C1orf105: variants seen among roughly 807,000 people sequenced by gnomAD.
C1orf105 encodes the protein uncharacterized protein C1orf105.
In C1orf105, 17 loss-of-function variants were observed where a neutral mutation model predicts 20.8. That is an observed-to-expected ratio of 0.82 (90% confidence interval 0.56 to 1.23). C1orf105 has a LOEUF of 1.23. C1orf105 is among the 50% of genes most tolerant of loss of function. The pLI is 0.00. For synonymous variants in C1orf105, 72 were observed against 72.1 expected, an observed-to-expected ratio of 1.00 and a Z score of 0.01; for missense variants, 219 against 213.5, an observed-to-expected ratio of 1.03 and a Z score of -0.16.
At chr1:172,445,226 G>A in intron 2 of C1orf105, 68 bp downstream of exon 2, 7 of 1,269,174 alleles carry the variant, frequency 5.5e-6, no homozygotes, top group Non-Finnish European at 6.8e-6. Context: ...TCTTCTTAAG[G>A]GATGGGGACA....
intron 1 of C1orf105, chr1:172,431,291 G>A: frequency 2.3e-6 from 1 of 430,588 alleles, no homozygotes; most frequent in East Asian, 3.5e-5. Flanking sequence ...ATTAAAAGTG[G>A]TACTCCCATG....
At chr1:172,437,966 T>C (rs977855886) in intron 1 of C1orf105, among the ~76,000 whole-genome samples, 8 of 152,120 alleles carry the variant, frequency 5.3e-5, no homozygotes, top group Admixed American at 5.2e-4. Context: ...TTGACATCGA[T>C]GCTCATTTAC....
intron 2 of C1orf105, among the ~76,000 whole-genome samples, chr1:172,446,524 C>T (rs988414613): frequency 6.6e-6 from 1 of 152,232 alleles, no homozygotes; most frequent in African/African-American, 2.4e-5. Context: ...TCTAACAGTA[C>T]TAGAAATCTG....
intron 1 of C1orf105, among the ~76,000 whole-genome samples, chr1:172,444,746 G>T (rs1558134427): frequency 6.6e-6 from 1 of 152,114 alleles, no homozygotes; most frequent in East Asian, 1.9e-4. Context: ...AATATTAAAG[G>T]ATATATAAAC....
intron 1 of C1orf105, chr1:172,444,288 A>G (rs1647714762): frequency 1.0e-6 from 1 of 985,342 alleles, no homozygotes; most frequent in Non-Finnish European, 1.2e-6. Context: ...AGGACTGGGT[A>G]AGGCAAGAGA....
At chr1:172,458,673 T>C (rs1649484955) in intron 4 of C1orf105, among the ~76,000 whole-genome samples, 1 of 152,180 alleles carries the variant, frequency 6.6e-6, no homozygotes, top group South Asian at 2.1e-4. Context: ...CCAGATGCCA[T>C]TTTTATAGAA....
intron 1 of C1orf105, among the ~76,000 whole-genome samples, chr1:172,427,338 C>G (rs1023951003): frequency 6.6e-5 from 10 of 152,206 alleles, no homozygotes; most frequent in African/African-American, 2.2e-4. Flanking sequence ...CTTATGTACT[C>G]CAGAATATTT....
chr1:172,444,942 TAA>T (rs1417611202), intron 1 of C1orf105, 129 bp from the exon 2 acceptor site: 3 of 594,996 alleles, frequency 5.0e-6, no homozygotes, highest in Non-Finnish European at 8.5e-6. Context: ...ATAGGATGGT[TAA>T]AGAGTTAAAT....
intron 3 of C1orf105, 101 bp from the exon 4 acceptor site, chr1:172,456,314 A>G: frequency 9.8e-7 from 1 of 1,016,618 alleles, no homozygotes; most frequent in East Asian, 2.4e-5. Context: ...TACGGAAGGA[A>G]AAACTGTTAC....
chr1:172,442,750 A>T, intron 1 of C1orf105: 2 of 813,782 alleles, frequency 2.5e-6, no homozygotes, highest in Non-Finnish European at 4.0e-6. Context: ...TGTTCTACCA[A>T]CCTTTCCTTG....
At chr1:172,435,681 A>G (rs1041347496) in intron 1 of C1orf105, among the ~76,000 whole-genome samples, 1 of 152,164 alleles carries the variant, frequency 6.6e-6, no homozygotes, top group South Asian at 2.1e-4. Flanking sequence ...TTTGAAAACC[A>G]GCACAAGACA....
chr1:172,440,278 G>A (rs2072177836), intron 1 of C1orf105, among the ~76,000 whole-genome samples: 1 of 152,326 alleles, frequency 6.6e-6, no homozygotes, highest in South Asian at 2.1e-4. Context: ...CAGCTATCTT[G>A]GGAGGTGCCT....
rs1416846556 is a variant in C1orf105 at position 172,442,607 on chromosome 1, C to T, written c.22-2466C>T. 13 of 1,612,774 alleles carry T rather than the reference C, an allele frequency of 8.1e-6. No homozygotes were observed. Among genetic ancestry groups the T allele is most frequent in the Admixed American group, 1.7e-5 (1 of 59,994 alleles). ...CACTTGACCTCCTTGGTGTTAGTCA[C>T]AGGTTGAGCATACATTATCCTTTCA... On this transcript the variant is annotated intron_variant, in intron 1 of 6. Transcript: ENST00000367727.
At chr1:172,446,140 T>G (rs1215379629) in intron 2 of C1orf105, among the ~76,000 whole-genome samples, 1 of 152,208 alleles carries the variant, frequency 6.6e-6, no homozygotes, top group Non-Finnish European at 1.5e-5. Flanking sequence ...CAGAACAAAA[T>G]TCACAAGTGC....
intron 1 of C1orf105, among the ~76,000 whole-genome samples, chr1:172,429,219 A>AATATAT (rs901481851): frequency 9.8e-6 from 1 of 102,134 alleles, no homozygotes; most frequent in African/African-American, 4.1e-5. Context: ...AGTAAATACA[A>AATATAT]ATATACACAC....
chr1:172,440,089 C>G (rs570229039), intron 1 of C1orf105, among the ~76,000 whole-genome samples: 1 of 152,304 alleles, frequency 6.6e-6, no homozygotes, highest in Non-Finnish European at 1.5e-5. Context: ...ATGACAAGAG[C>G]TGAAGACACT....
chr1:172,459,329 A>G (rs953064057), intron 4 of C1orf105, among the ~76,000 whole-genome samples: 3 of 152,208 alleles, frequency 2.0e-5, no homozygotes, highest in Admixed American at 6.5e-5. Flanking sequence ...TATAAGGAAC[A>G]CTTAAAACTC....
intron 1 of C1orf105, among the ~76,000 whole-genome samples, chr1:172,430,652 G>A (rs1156615085): frequency 6.6e-6 from 1 of 151,868 alleles, no homozygotes; most frequent in Non-Finnish European, 1.5e-5. Context: ...TGTTGCCCAG[G>A]CTCGTCTCAA....
chr1:172,452,729 C>T, intron 3 of C1orf105: 1 of 965,704 alleles, frequency 1.0e-6, no homozygotes, highest in Non-Finnish European at 1.2e-6. Context: ...TGGCTGAAAT[C>T]TGCATCATAC....
Sources: allele counts gnomAD v4.1 joint callset (sites outside exome capture counted in the v4.1 genomes callset), GRCh38; gene constraint gnomAD v4.1.1; transcripts MANE v1.5; gene names NCBI Gene and HGNC (gene_info 2026-07-23, HGNC 2026-07-21).